ENOX1: variants seen among roughly 807,000 people sequenced by gnomAD.
ENOX1 encodes the protein candidate growth-related and time keeping constitutive hydroquinone (NADH) oxidase.
Under a neutral mutation model 82.5 loss-of-function variants are expected in ENOX1, and 42 were observed. The observed-to-expected ratio is 0.51, with a 90% CI of 0.40 to 0.66. The LOEUF (loss-of-function observed/expected upper bound fraction) is 0.66, where lower values mean the gene tolerates loss of function less well. ENOX1 is among the 30% of genes least tolerant of loss of function. The probability of loss-of-function intolerance (pLI) is 0.00; values close to 1 mark genes in which losing one functional copy is unlikely to be tolerated. For missense variants in ENOX1, 608 were observed against 811.6 expected (o/e 0.75, Z 3.05); for synonymous variants, 271 against 282.2 (o/e 0.96, Z 0.40).
intron 2 of ENOX1, among the ~76,000 whole-genome samples, chr13:43,488,893 T>G (rs772677889): frequency 7.9e-5 from 12 of 152,234 alleles, no homozygotes; most frequent in Non-Finnish European, 1.5e-4. Context: ...TAGGACTCTG[T>G]GAAATGCAGA....
intron 2 of ENOX1, among the ~76,000 whole-genome samples, chr13:43,645,307 G>T (rs2083843021): frequency 6.6e-6 from 1 of 152,034 alleles, no homozygotes; most frequent in Non-Finnish European, 1.5e-5. Flanking sequence ...AACTACAGGT[G>T]CATGCCACGA....
At chr13:43,592,444 C>T (rs541490928) in intron 2 of ENOX1, among the ~76,000 whole-genome samples, 2 of 152,176 alleles carry the variant, frequency 1.3e-5, no homozygotes, top group South Asian at 4.2e-4. Context: ...ACCATCATTG[C>T]ATTTTTTTTA....
intron 1 of ENOX1, among the ~76,000 whole-genome samples, chr13:43,700,780 G>C (rs1413829801): frequency 1.3e-5 from 2 of 152,034 alleles, no homozygotes; most frequent in Admixed American, 1.3e-4. Context: ...TCTTTATTTG[G>C]AAATTGAATA....
chr13:43,349,075 T>C (rs1423189330), intron 8 of ENOX1, among the ~76,000 whole-genome samples: 1 of 152,216 alleles, frequency 6.6e-6, no homozygotes, highest in Admixed American at 6.5e-5. Context: ...TAGCAATTAA[T>C]ACTGGAAAGA....
rs34023929 is a variant in ENOX1 at position 43,630,860 on chromosome 13, T to TATACACACACACAC, written c.-219+36618_-219+36619insGTGTGTGTGTGTAT. ...CCACACACACACATATATATATATATACACACACACACACATATATATACA... is the reference window on the plus strand; with the variant it reads ...CCACACACACACATATATATATATATATACACACACACACACACACACACACACATATATATACA... On this transcript the variant is annotated intron_variant, in intron 2 of 16. Coordinates refer to ENST00000690772, the MANE Select transcript of ENOX1 (RefSeq NM_001347969.2). Among the ~76,000 whole-genome samples the TATACACACACACAC allele has an allele frequency of 4.9e-3, 726 of 147,790 alleles. 2 individuals carry two copies. Among genetic ancestry groups the TATACACACACACAC allele is most frequent in the East Asian group, 0.014 (68 of 4,952 alleles).
chr13:43,584,426 G>A (rs978141151), intron 2 of ENOX1, among the ~76,000 whole-genome samples: 34 of 152,204 alleles, frequency 2.2e-4, no homozygotes, highest in Non-Finnish European at 4.1e-4. Context: ...CAAAATGCAT[G>A]TATAATTTGT....
At chr13:43,616,204 A>ATATATATATATATATATATATATTTT (rs1457149422) in intron 2 of ENOX1, among the ~76,000 whole-genome samples, 1 of 15,298 alleles carries the variant, frequency 6.5e-5, no homozygotes, top group Non-Finnish European at 2.1e-4. Context: ...ATATATATAT[A>ATATATATATATATATATATATATTTT]TTTTTTTTTT....
chr13:43,531,860 T>G, intron 2 of ENOX1, among the ~76,000 whole-genome samples: 1 of 143,286 alleles, frequency 7.0e-6, no homozygotes, highest in Admixed American at 7.2e-5. Flanking sequence ...CACTCATAGG[T>G]GGGAATTGAA....
At chr13:43,228,749 T>G (rs2042138355) in intron 15 of ENOX1, among the ~76,000 whole-genome samples, 2 of 152,238 alleles carry the variant, frequency 1.3e-5, no homozygotes, top group Non-Finnish European at 2.9e-5. Context: ...AGGCACAGCA[T>G]TGTATAAGAT....
chr13:43,253,294 T>C (rs1024480552), intron 14 of ENOX1, among the ~76,000 whole-genome samples: 4 of 152,226 alleles, frequency 2.6e-5, no homozygotes, highest in African/African-American at 4.8e-5. Flanking sequence ...TTCCCTTTTT[T>C]CTTCATTCTA....
rs752192366 is a variant in ENOX1 at position 43,459,943 on chromosome 13, G to A, written c.-75+24066C>T. On this transcript the variant is annotated intron_variant, in intron 3 of 16. Coordinates refer to ENST00000690772, the MANE Select transcript of ENOX1 (RefSeq NM_001347969.2). ...TGGGAGGCAGAGGTTGCAGTGAGCC[G>A]AGATTGCACCATCGCACTCCAGCCT... Among the ~76,000 whole-genome samples, 25 of 152,048 alleles carry A rather than the reference G, an allele frequency of 1.6e-4. 1 individual carries two copies. Among genetic ancestry groups the A allele is most frequent in the Admixed American group, 1.0e-3 (16 of 15,256 alleles).
At chr13:43,603,310 T>A (rs1037883341) in intron 2 of ENOX1, among the ~76,000 whole-genome samples, 6 of 152,012 alleles carry the variant, frequency 3.9e-5, no homozygotes, top group African/African-American at 1.4e-4. Flanking sequence ...CCTAAGAGTT[T>A]AATAATAATG....
intron 5 of ENOX1, among the ~76,000 whole-genome samples, chr13:43,407,785 G>T (rs1402348102): frequency 1.3e-5 from 2 of 151,842 alleles, no homozygotes; most frequent in African/African-American, 2.4e-5. Context: ...TACAACAGTG[G>T]AACACGAATG....
At chr13:43,765,883 TATG>T (rs1330016577) in intron 1 of ENOX1, among the ~76,000 whole-genome samples, 3 of 152,078 alleles carry the variant, frequency 2.0e-5, no homozygotes, top group African/African-American at 7.2e-5. Context: ...ACAAATAGAG[TATG>T]ATGTCTTCAC....
chr13:43,231,071 T>A (rs2042257334), intron 15 of ENOX1, among the ~76,000 whole-genome samples: 1 of 152,162 alleles, frequency 6.6e-6, no homozygotes. Flanking sequence ...CTGGGGCCCA[T>A]CAGCTCACTG....
In ENOX1 at chr13:43,741,204, C is replaced by T. The variant is rs929054022; in HGVS notation, c.-285+45448G>A. Among the ~76,000 whole-genome samples, 5 of 151,976 alleles carry T rather than the reference C, an allele frequency of 3.3e-5. No individual in the cohort carries two copies. The South Asian group carries it at 8.3e-4, about 25-fold the overall frequency. On this transcript the variant is annotated intron_variant, in intron 1 of 16. Transcript: ENST00000690772. ...GGTTCAAGAGATTCTTCTGCCTCAG[C>T]CTCCCAAGTAGCTGGGATCACAGGC... is the stretch of plus-strand genomic sequence containing the variant.
intron 8 of ENOX1, among the ~76,000 whole-genome samples, chr13:43,346,552 A>T (rs1234470098): frequency 1.3e-5 from 2 of 152,222 alleles, no homozygotes; most frequent in Admixed American, 6.5e-5. Flanking sequence ...TATCGTAGCC[A>T]CTTATACCAT....
intron 2 of ENOX1, among the ~76,000 whole-genome samples, chr13:43,504,034 A>T (rs1312574045): frequency 6.6e-6 from 1 of 151,934 alleles, no homozygotes; most frequent in African/African-American, 2.4e-5. Context: ...ATGGGTAAAG[A>T]AACTGAGTAG....
chr13:43,452,636 C>T (rs919277299), intron 3 of ENOX1, among the ~76,000 whole-genome samples: 1 of 152,144 alleles, frequency 6.6e-6, no homozygotes, highest in African/African-American at 2.4e-5. Flanking sequence ...CATTTTTCTG[C>T]CTCAGCCTCC....
Sources: allele counts gnomAD v4.1 joint callset (sites outside exome capture counted in the v4.1 genomes callset), GRCh38; gene constraint gnomAD v4.1.1; transcripts MANE v1.5; gene names NCBI Gene and HGNC (gene_info 2026-07-23, HGNC 2026-07-21).